NCOR1: variants seen among roughly 807,000 people sequenced by gnomAD.
The protein encoded by NCOR1 is protein phosphatase 1, regulatory subunit 109.
A neutral mutation model predicts 288.1 loss-of-function variants in NCOR1; 63 were observed. The ratio of observed to expected loss-of-function variants is 0.22; its 90% confidence interval spans 0.18 to 0.27. The LOEUF (loss-of-function observed/expected upper bound fraction) is 0.27, where lower values mean the gene tolerates loss of function less well. NCOR1 is among the 10% of genes least tolerant of loss of function. The pLI is 1.00. For missense variants in NCOR1, 2,397 were observed against 3,019.2 expected, an observed-to-expected ratio of 0.79 and a Z score of 4.83; for synonymous variants, 1,007 against 1,065.9, an observed-to-expected ratio of 0.94 and a Z score of 1.08.
At chr17:16,090,356 CAG>C (rs1278926804) in intron 22 of NCOR1, among the ~76,000 whole-genome samples, 2 of 152,070 alleles carry the variant, frequency 1.3e-5, no homozygotes, top group Admixed American at 1.3e-4. Flanking sequence ...GGAATACATC[CAG>C]AGACTTTTAT....
intron 16 of NCOR1, 139 bp from the exon 17 acceptor site, chr17:16,119,624 G>A (rs2072558854): frequency 3.9e-6 from 2 of 510,270 alleles, no homozygotes; most frequent in Non-Finnish European, 6.8e-6. Flanking sequence ...GCAGAAATAG[G>A]ATAGTAACCT....
Position 16,139,020 on chromosome 17 carries a change from A to G in NCOR1, c.1340T>C (p.Ile447Thr), listed in dbSNP as rs1351174515. The G allele has an allele frequency of 6.4e-6, 10 of 1,560,758 alleles. No homozygotes were observed. Among genetic ancestry groups the G allele is most frequent in the Non-Finnish European group, 8.7e-6 (10 of 1,150,864 alleles). ...MNVWTDHEKE[I>T]FKDKFIQHPK... is the part of the protein sequence containing the mutation. ...AAATATAAATTACTTGTCCTTAAAG[A>G]TCTCCTTTTCATGGTCAGTCCAAAC... The change falls in exon 12 of 46, where the codon ATC becomes ACC. Residue 447 changes from isoleucine (I) to threonine (T), a missense_variant. Transcript: ENST00000268712.
At chr17:16,080,097 C>G in intron 25 of NCOR1, 33 bp from the exon 26 acceptor site, 1 of 1,558,156 alleles carries the variant, frequency 6.4e-7, no homozygotes, top group Non-Finnish European at 8.9e-7. Flanking sequence ...GCAAATTACA[C>G]CCCCAGCCCC....
Position 16,081,484 on chromosome 17 carries a change from TG to T in NCOR1, c.3178-758del, listed in dbSNP as rs1454621974. 3.3e-5 allele frequency among the ~76,000 whole-genome samples: 5 copies of T among 151,576 alleles called. No homozygotes were observed. The East Asian group carries it at 9.7e-4, about 29-fold the overall frequency. ...TTCTCATTCTCCTGATCAAACTCTA[TG>T]GAAGTGTTGAAAACCAAAAGCACTC... On this transcript the variant is annotated intron_variant, in intron 23 of 45. Coordinates refer to ENST00000268712, the MANE Select transcript of NCOR1 (RefSeq NM_006311.4).
chr17:16,215,196 G>A (rs965296338), intron 1 of NCOR1, among the ~76,000 whole-genome samples, 166 bp downstream of exon 1: 3 of 152,178 alleles, frequency 2.0e-5, no homozygotes, highest in Non-Finnish European at 4.4e-5. Flanking sequence ...GGGCTGCCGA[G>A]TGGAAGAGGC....
intron 21 of NCOR1, among the ~76,000 whole-genome samples, chr17:16,095,544 G>A (rs1350627612): frequency 8.9e-5 from 12 of 135,112 alleles, no homozygotes; most frequent in Non-Finnish European, 1.9e-4. Flanking sequence ...AGGTTGGGGG[G>A]TCAGCCCCCC....
chr17:16,126,103 T>C lies in NCOR1; in HGVS notation c.1613A>G (p.Lys538Arg). The change falls in exon 15 of 46, where the codon AAA becomes AGA. Residue 538 changes from lysine (K) to arginine (R), a missense_variant. Lys to Arg is a conservative substitution (Grantham distance 26). Coordinates refer to ENST00000268712, the MANE Select transcript of NCOR1 (RefSeq NM_006311.4). Reference sequence around the variant, plus strand: ...TCACTTGGAGTCTTCTTTTTCATCTTTTTCCTCTTCATCTTTCTTTTCTTC... The same window carrying C: ...TCACTTGGAGTCTTCTTTTTCATCTCTTTCCTCTTCATCTTTCTTTTCTTC... ...KEEEKKDEEE[K>R]DEKEDSKENT... The C allele has an allele frequency of 7.2e-7, 1 of 1,393,586 alleles. No homozygotes were observed. The highest frequency in any genetic ancestry group is 1.4e-5 in the South Asian group (1 of 73,314). The allele number at this position is 1,393,586 out of a possible 1,614,324, so 86.3% of individuals were successfully genotyped here. A position where few individuals can be genotyped will look rare whatever the true frequency, so the allele number is the denominator to read the frequency against.
rs1457810242 is a variant in NCOR1 at position 16,046,814 on chromosome 17, G to C, written c.6679+137C>G. ...TCATGGGCTGGCAGACACTTGAGAA[G>C]GAACTCTAGGATCAGATGTGTTGGA... On this transcript the variant is annotated intron_variant, in intron 42 of 45. Transcript: ENST00000268712. 3 of 1,000,984 alleles carry C rather than the reference G, an allele frequency of 3.0e-6. No homozygotes were observed. In the East Asian group the frequency reaches 8.4e-5, roughly 28 times the overall value. The allele number at this position is 1,000,984 out of a possible 1,614,324, so 62.0% of individuals were successfully genotyped here. A position where few individuals can be genotyped will look rare whatever the true frequency, so the allele number is the denominator to read the frequency against.
At chr17:16,070,636 G>T in intron 30 of NCOR1, 111 bp from the exon 31 acceptor site, 1 of 1,429,342 alleles carries the variant, frequency 7.0e-7, no homozygotes, top group Non-Finnish European at 9.5e-7. Context: ...GATCTTTTTT[G>T]GTCTGTTTAC....
chr17:16,132,054 T>C (rs1378550413), intron 14 of NCOR1, among the ~76,000 whole-genome samples: 2 of 152,210 alleles, frequency 1.3e-5, no homozygotes, highest in African/African-American at 2.4e-5. Context: ...AAATAATCTT[T>C]CTATCTAGTG....
rs1229695252 is a variant in NCOR1, at chr17:16,061,568, T to C, written c.5714A>G (p.Lys1905Arg). The C allele has an allele frequency of 1.2e-6, 2 of 1,614,110 alleles. No homozygotes were observed. Among genetic ancestry groups the C allele is most frequent in the East Asian group, 2.2e-5 (1 of 44,906 alleles). Residue 1905 changes from lysine to arginine, a missense_variant, in exon 37 of 46, where the codon AAA becomes AGA. By Grantham distance (26) the Lys-to-Arg change is conservative (BLOSUM62 2). Coordinates refer to ENST00000268712, the MANE Select transcript of NCOR1 (RefSeq NM_006311.4). ...GGATTTTGGAGGAGGCCCTTTATCTTTCCCAGCCTCAGAATAAACTACTGA... is the reference window on the plus strand; with the variant it reads ...GGATTTTGGAGGAGGCCCTTTATCTCTCCCAGCCTCAGAATAAACTACTGA... ...HSSVVYSEAGKDKGPPPKSRY... is the reference protein window; with the variant it reads ...HSSVVYSEAGRDKGPPPKSRY...
chr17:16,119,364 T>C lies in NCOR1; in HGVS notation c.1915+59A>G, dbSNP rs1042466088. On this transcript the variant is annotated intron_variant, in intron 17 of 45. Coordinates refer to ENST00000268712, the MANE Select transcript of NCOR1 (RefSeq NM_006311.4). ...AAACAATTAGTTCCATCTCACTCATTACTAATAACCCTAAAAAACAAAACA... is the reference window on the plus strand; with the variant it reads ...AAACAATTAGTTCCATCTCACTCATCACTAATAACCCTAAAAAACAAAACA... 3.2e-6 allele frequency: 4 copies of C among 1,259,180 alleles called. No individual in the cohort carries two copies. In the African/African-American group the frequency reaches 4.5e-5, roughly 14 times the overall value. 78.0% of individuals were successfully genotyped at this position (1,259,180 alleles called of 1,614,324 possible).
chr17:16,093,621 C>T (rs1440380330), intron 21 of NCOR1, among the ~76,000 whole-genome samples: 2 of 152,156 alleles, frequency 1.3e-5, no homozygotes, highest in East Asian at 1.9e-4. Flanking sequence ...AATCTGGTAA[C>T]TTAAGACTTC....
At chr17:16,196,922 C>A (rs1283246740) in intron 1 of NCOR1, among the ~76,000 whole-genome samples, 2 of 151,928 alleles carry the variant, frequency 1.3e-5, no homozygotes, top group Non-Finnish European at 2.9e-5. Context: ...GAGGCTGAAG[C>A]AGGAGGATCA....
intron 42 of NCOR1, among the ~76,000 whole-genome samples, chr17:16,043,848 G>A (rs1233788522): frequency 2.0e-5 from 3 of 152,196 alleles, no homozygotes; most frequent in African/African-American, 7.2e-5. Context: ...GTTGAAGACT[G>A]GAGACAGAAA....
chr17:16,155,582 G>A (rs1258496797), intron 6 of NCOR1, among the ~76,000 whole-genome samples: 1 of 152,120 alleles, frequency 6.6e-6, no homozygotes, highest in Non-Finnish European at 1.5e-5. Flanking sequence ...ATTTAACTAT[G>A]ATGCAAGTCA....
intron 18 of NCOR1, 83 bp downstream of exon 18, chr17:16,117,803 TAG>T: frequency 7.0e-7 from 1 of 1,424,664 alleles, no homozygotes; most frequent in Non-Finnish European, 9.5e-7. Flanking sequence ...GCCTGGGTGA[TAG>T]AGTGAGACTC....
intron 8 of NCOR1, 89 bp from the exon 9 acceptor site, chr17:16,149,606 G>A: frequency 3.9e-6 from 2 of 514,122 alleles, no homozygotes; most frequent in Non-Finnish European, 6.9e-6. Context: ...CTGGAAAATA[G>A]GCAAAGATCA....
intron 3 of NCOR1, among the ~76,000 whole-genome samples, chr17:16,179,882 C>T (rs1430310848): frequency 6.9e-6 from 1 of 144,330 alleles, no homozygotes. Flanking sequence ...GGCGTGAAGC[C>T]GGGAGGCAGA....
Sources: allele counts gnomAD v4.1 joint callset (sites outside exome capture counted in the v4.1 genomes callset), GRCh38; gene constraint gnomAD v4.1.1; transcripts MANE v1.5; gene names NCBI Gene and HGNC (gene_info 2026-07-23, HGNC 2026-07-21).